BAIAP2L1: variants seen among roughly 807,000 people sequenced by gnomAD.
The protein encoded by BAIAP2L1 is BAR/IMD domain containing adaptor protein 2 like 1.
In BAIAP2L1, 35 loss-of-function variants were observed where a neutral mutation model predicts 66.3. That is an observed-to-expected ratio of 0.53 (90% CI 0.40 to 0.70). The LOEUF (loss-of-function observed/expected upper bound fraction) is 0.70. BAIAP2L1 is among the 30% of genes least tolerant of loss of function. The pLI, the probability that BAIAP2L1 is intolerant of heterozygous loss-of-function variation, is 0.00. For missense variants in BAIAP2L1, 622 were observed against 656.9 expected (o/e 0.95, Z 0.58); for synonymous variants, 269 against 248.7 (o/e 1.08, Z -0.77).
intron 12 of BAIAP2L1, among the ~76,000 whole-genome samples, chr7:98,302,746 A>ATGGAGCTGATT (rs1800480860): frequency 6.6e-6 from 1 of 152,214 alleles, no homozygotes; most frequent in African/African-American, 2.4e-5. Context: ...ATTATAATGT[A>ATGGAGCTGATT]TGGAGCTGAT....
At chr7:98,357,154 T>C (rs1015803127) in intron 2 of BAIAP2L1, among the ~76,000 whole-genome samples, 12 of 146,130 alleles carry the variant, frequency 8.2e-5, no homozygotes, top group African/African-American at 2.8e-4. Context: ...CCCAAAGTGT[T>C]TGGATTATAG....
chr7:98,384,646 TCTAG>T (rs1185560952), intron 1 of BAIAP2L1, among the ~76,000 whole-genome samples: 1 of 151,630 alleles, frequency 6.6e-6, no homozygotes, highest in Non-Finnish European at 1.5e-5. Flanking sequence ...CTGGAATCAT[TCTAG>T]CTAACTTCCT....
rs185546051 is a variant in BAIAP2L1, at chr7:98,347,709, A to G, written c.214+7333T>C. On this transcript the variant is annotated intron_variant, in intron 3 of 13. Coordinates refer to ENST00000005260, the MANE Select transcript of BAIAP2L1 (RefSeq NM_018842.5). ...AGAATGGTGTGAACCCGGGAAGCGG[A>G]GCGTGCAGTGAGCCAAGATCGCGCC... Among the ~76,000 whole-genome samples, 10 of 152,096 alleles carry G rather than the reference A, an allele frequency of 6.6e-5. 1 individual carries two copies. The East Asian group carries it at 1.7e-3, about 27-fold the overall frequency.
intron 1 of BAIAP2L1, among the ~76,000 whole-genome samples, chr7:98,371,278 GT>G (rs1802504911): frequency 6.6e-6 from 1 of 152,166 alleles, no homozygotes; most frequent in Non-Finnish European, 1.5e-5. Flanking sequence ...TGCCAAACTG[GT>G]TTTAACCAGA....
At chr7:98,329,887 C>T (rs1022262022) in intron 3 of BAIAP2L1, among the ~76,000 whole-genome samples, 30 of 152,196 alleles carry the variant, frequency 2.0e-4, no homozygotes, top group African/African-American at 7.2e-4. Context: ...CTGTGGATTA[C>T]AGCACAGAGC....
rs887880599 is a variant in BAIAP2L1, at chr7:98,386,315, A to T, written c.51+14487T>A. 18 of 1,594,704 alleles carry T rather than the reference A, an allele frequency of 1.1e-5. No individual in the cohort carries two copies. The African/African-American group carries it at 2.1e-4, about 19-fold the overall frequency. Reference sequence around the variant, plus strand: ...AAGTTAGGCAGTTTTTACCCTGAACATCTTCAGTAATCAGCCTGAATTTTC... The same window carrying T: ...AAGTTAGGCAGTTTTTACCCTGAACTTCTTCAGTAATCAGCCTGAATTTTC... On this transcript the variant is annotated intron_variant, in intron 1 of 13. Transcript: ENST00000005260.
rs147457494 is a variant in BAIAP2L1, at chr7:98,338,610, C to A, written c.214+16432G>T. On this transcript the variant is annotated intron_variant, in intron 3 of 13. Coordinates refer to ENST00000005260, the MANE Select transcript of BAIAP2L1 (RefSeq NM_018842.5). ...TAGCCTTTTTATCTGGCTTCTTTGA[C>A]GTGGCACATAACCAAGGTTCACCCG... Among the ~76,000 whole-genome samples the A allele has an allele frequency of 2.0e-5, 3 of 152,130 alleles. No homozygotes were observed. The East Asian group carries it at 5.8e-4, about 29-fold the overall frequency.
intron 1 of BAIAP2L1, among the ~76,000 whole-genome samples, chr7:98,389,178 T>C (rs1049218773): frequency 6.6e-6 from 1 of 151,754 alleles, no homozygotes; most frequent in African/African-American, 2.4e-5. Context: ...TGTACTCCTC[T>C]CCCCTCCCCC....
intron 3 of BAIAP2L1, among the ~76,000 whole-genome samples, chr7:98,334,788 C>T (rs976819173): frequency 5.3e-5 from 8 of 151,450 alleles, no homozygotes; most frequent in Non-Finnish European, 8.9e-5. Context: ...TCAGGTGATC[C>T]GCCCGCCTCG....
intron 8 of BAIAP2L1, among the ~76,000 whole-genome samples, chr7:98,311,236 T>C (rs890729339): frequency 4.6e-5 from 7 of 152,158 alleles, no homozygotes; most frequent in Non-Finnish European, 1.0e-4. Context: ...TTAGTTGGAA[T>C]GATTACAAAT....
chr7:98,351,301 T>A (rs1801994284), intron 3 of BAIAP2L1, among the ~76,000 whole-genome samples: 1 of 152,220 alleles, frequency 6.6e-6, no homozygotes, highest in African/African-American at 2.4e-5. Flanking sequence ...TTTCTATCAG[T>A]CCTGCCCTTT....
At position 98,304,340 on chromosome 7, in the gene BAIAP2L1, C is replaced by G; in HGVS notation, c.1278G>C (p.Leu426Phe). 1 of 1,613,772 alleles carries G rather than the reference C, an allele frequency of 6.2e-7. No individual in the cohort carries two copies. The highest frequency in any genetic ancestry group is 8.5e-7 in the Non-Finnish European group (1 of 1,179,850). Residue 426 changes from leucine to phenylalanine, a missense_variant, in exon 12 of 14, where the codon TTG (leucine) becomes TTC (phenylalanine). Transcript: ENST00000005260. ...GGATGACAACACTGCTATTCTCAGA[C>G]AAGTTCACGGTGCTGATGCTTCTCA... is the stretch of plus-strand genomic sequence containing the variant. ...TPVRSISTVN[L>F]SENSSVVIPP...
intron 3 of BAIAP2L1, among the ~76,000 whole-genome samples, chr7:98,333,589 ACT>A (rs1445089566): frequency 2.0e-5 from 3 of 152,064 alleles, no homozygotes; most frequent in Admixed American, 6.6e-5. Context: ...ACAGAGGAAG[ACT>A]CTGTCTCAAA....
At chr7:98,350,843 A>G (rs1053498460) in intron 3 of BAIAP2L1, among the ~76,000 whole-genome samples, 51 of 151,882 alleles carry the variant, frequency 3.4e-4, no homozygotes, top group African/African-American at 1.1e-3. Context: ...CTGGAAAAAC[A>G]GCAATTATGA....
At chr7:98,382,606 T>C (rs1802784480) in intron 1 of BAIAP2L1, among the ~76,000 whole-genome samples, 1 of 152,226 alleles carries the variant, frequency 6.6e-6, no homozygotes, top group Non-Finnish European at 1.5e-5. Context: ...TAAGTGTGGA[T>C]GATTATACTG....
intron 1 of BAIAP2L1, among the ~76,000 whole-genome samples, chr7:98,369,660 CTAATTT>C (rs1390446636): frequency 2.2e-5 from 3 of 137,528 alleles, no homozygotes; most frequent in Non-Finnish European, 4.6e-5. Flanking sequence ...ATTTGATTTC[CTAATTT>C]TTTTTTTTTT....
intron 2 of BAIAP2L1, among the ~76,000 whole-genome samples, chr7:98,359,344 C>CTCACTGCAA (rs1198650742): frequency 6.6e-6 from 1 of 150,378 alleles, no homozygotes; most frequent in African/African-American, 2.5e-5. Context: ...ACGATCTCTG[C>CTCACTGCAA]TCACTGCAAC....
In BAIAP2L1 at chr7:98,320,282, C is replaced by T. The variant is rs375579704; in HGVS notation, c.231G>A (p.Glu77=). 6.2e-6 allele frequency: 10 copies of T among 1,607,822 alleles called. No individual in the cohort carries two copies. The highest frequency in any genetic ancestry group is 1.7e-4 in the Middle Eastern group (1 of 6,056). The change falls in exon 4 of 14, where the codon GAG becomes GAA. Residue 77 remains glutamate (E), a synonymous_variant. Coordinates refer to ENST00000005260, the MANE Select transcript of BAIAP2L1 (RefSeq NM_018842.5). The part of the protein sequence containing the change: ...VSTELGHVLI[E]ISSTHKKLNE... ...TGAGTTTCTTGTGGGTACTTGAAAT[C>T]TCTATGAGGACATGTCCTGGGAACA...
At chr7:98,394,837 C>T (rs1426554757) in intron 1 of BAIAP2L1, among the ~76,000 whole-genome samples, 1 of 152,192 alleles carries the variant, frequency 6.6e-6, no homozygotes, top group African/African-American at 2.4e-5. Flanking sequence ...CCCAGCTGGG[C>T]ACAGTGGCTC....
Sources: allele counts gnomAD v4.1 joint callset (sites outside exome capture counted in the v4.1 genomes callset), GRCh38; gene constraint gnomAD v4.1.1; transcripts MANE v1.5; gene names NCBI Gene and HGNC (gene_info 2026-07-23, HGNC 2026-07-21).